The following ZNF267 variants were observed in gnomAD, a reference collection of about 807,000 sequenced individuals.
ZNF267 encodes zinc finger protein 267.
In ZNF267, 61 loss-of-function variants were observed where a neutral mutation model predicts 71.6. The ratio of observed to expected loss-of-function variants is 0.85; its 90% CI spans 0.69 to 1.05. The LOEUF is 1.05. Ranked by LOEUF, ZNF267 falls within the 50% of genes least tolerant of loss-of-function variation. ZNF267 has a pLI of 0.00. For synonymous variants in ZNF267, 288 were observed against 293.2 expected (o/e 0.98, Z 0.18); for missense variants, 852 against 870.0 (o/e 0.98, Z 0.26).
In ZNF267 at chr16:31,916,601, T is replaced by G; in HGVS notation, c.*120T>G. On this transcript the variant is annotated 3_prime_UTR_variant, in exon 4 of 4. Coordinates refer to ENST00000300870, the MANE Select transcript of ZNF267 (RefSeq NM_003414.6). ...AATGTGGCATAACCTTTAACTATTTTCAAGCCTTACACAATAGCAGAGAAT... is the reference window on the plus strand; with the variant it reads ...AATGTGGCATAACCTTTAACTATTTGCAAGCCTTACACAATAGCAGAGAAT... 9.9e-7 allele frequency: 1 copy of G among 1,014,506 alleles called. No homozygotes were observed. The allele number at this position is 1,014,506 out of a possible 1,614,324, so 62.8% of individuals were successfully genotyped here.
At chr16:31,895,045 T>G (rs1259075568) in intron 3 of ZNF267, 2 of 259,800 alleles carry the variant, frequency 7.7e-6, no homozygotes, top group Non-Finnish European at 1.5e-5. Context: ...GGCTCCCACT[T>G]CCTCCCAGGG....
At chr16:31,902,300 C>T (rs1267875762) in intron 3 of ZNF267, among the ~76,000 whole-genome samples, 1 of 151,920 alleles carries the variant, frequency 6.6e-6, no homozygotes, top group African/African-American at 2.4e-5. Flanking sequence ...TCCATATGAT[C>T]TTTAAAGTAG....
At chr16:31,902,369 G>A (rs1005751415) in intron 3 of ZNF267, among the ~76,000 whole-genome samples, 3 of 151,864 alleles carry the variant, frequency 2.0e-5, no homozygotes, top group East Asian at 1.9e-4. Flanking sequence ...CATTGAATCT[G>A]TAAATTACCT....
intron 3 of ZNF267, chr16:31,913,982 C>G (rs1308706745): frequency 6.5e-6 from 1 of 153,062 alleles, no homozygotes; most frequent in East Asian, 1.9e-4. Flanking sequence ...CAGAAGGTGT[C>G]TTTCACTATA....
At chr16:31,892,999 G>T (rs928723354) in intron 3 of ZNF267, among the ~76,000 whole-genome samples, 2 of 152,332 alleles carry the variant, frequency 1.3e-5, no homozygotes, top group East Asian at 1.9e-4. Context: ...CTGTGTGGGG[G>T]CTCCAATTCC....
At position 31,914,495 on chromosome 16, in the gene ZNF267, CAAG is replaced by C; in HGVS notation, c.247_249del (p.Lys83del). 6.3e-7 allele frequency: 1 copy of C among 1,588,480 alleles called. No homozygotes were observed. The highest frequency in any genetic ancestry group is 8.5e-7 in the Non-Finnish European group (1 of 1,170,330). ...TTTCAGATGTGTTTTCGCATTATAA[CAAG>C]GACCTGTTGACAGAGCACTGCACAG... On this transcript the variant is annotated inframe_deletion, in exon 4 of 4. Transcript: ENST00000300870.
intron 3 of ZNF267, among the ~76,000 whole-genome samples, chr16:31,899,997 TACAC>T (rs530697331): frequency 1.1e-4 from 16 of 150,892 alleles, no homozygotes; most frequent in South Asian, 2.1e-4. Flanking sequence ...CATATATATA[TACAC>T]ACACACACAC....
chr16:31,900,752 T>A (rs2084033593), intron 3 of ZNF267, among the ~76,000 whole-genome samples: 1 of 124,216 alleles, frequency 8.1e-6, no homozygotes, highest in African/African-American at 2.7e-5. Flanking sequence ...CCCCAAGAAT[T>A]CTTTCTTTTT....
rs758311819 is a variant in ZNF267, at chr16:31,915,241, TA to T, written c.995del (p.Asn332ThrfsTer433). The T allele has an allele frequency of 1.2e-6, 2 of 1,613,866 alleles. No homozygotes were observed. The highest frequency in any genetic ancestry group is 1.7e-6 in the Non-Finnish European group (2 of 1,179,958). Reference protein sequence around the residue: ...PYKCEKCGDSLNHSLHLTQHQ... With the variant: ...PYKCEKCGDSXNHSLHLTQHQ... ...AAATGTGAAAAATGTGGGGATAGCT[TA>T]AACCATAGTTTGCACCTTACTCAAC... On this transcript the variant is annotated frameshift_variant, in exon 4 of 4. Transcript: ENST00000300870. LOFTEE classifies it high-confidence loss of function.
At chr16:31,904,307 T>C (rs2084068912) in intron 3 of ZNF267, among the ~76,000 whole-genome samples, 1 of 152,238 alleles carries the variant, frequency 6.6e-6, no homozygotes, top group South Asian at 2.1e-4. Flanking sequence ...TTAGGTCCGC[T>C]TGGTGCAGAG....
At chr16:31,878,468 ACC>A (rs1412013103) in intron 1 of ZNF267, among the ~76,000 whole-genome samples, 1 of 152,056 alleles carries the variant, frequency 6.6e-6, no homozygotes, top group Non-Finnish European at 1.5e-5. Context: ...CACCCACAGC[ACC>A]TTTGCTTCCG....
chr16:31,910,803 T>C (rs1055778080), intron 3 of ZNF267, among the ~76,000 whole-genome samples: 1 of 151,636 alleles, frequency 6.6e-6, no homozygotes, highest in Non-Finnish European at 1.5e-5. Flanking sequence ...TTAGGTTATA[T>C]GATTTTTTTC....
At chr16:31,913,165 G>A (rs2084147852) in intron 3 of ZNF267, 1 of 152,108 alleles carries the variant, frequency 6.6e-6, no homozygotes, top group Non-Finnish European at 1.5e-5. Context: ...AGAATTTGAA[G>A]GTACTTGGAT....
intron 1 of ZNF267, among the ~76,000 whole-genome samples, chr16:31,881,761 G>A (rs1016279619): frequency 5.5e-5 from 8 of 146,260 alleles, no homozygotes; most frequent in Admixed American, 4.9e-4. Context: ...CTGCCTTCCC[G>A]GTTCAGATGA....
chr16:31,890,932 A>C (rs749639171), intron 3 of ZNF267, among the ~76,000 whole-genome samples: 1 of 152,230 alleles, frequency 6.6e-6, no homozygotes, highest in African/African-American at 2.4e-5. Flanking sequence ...TGTTTATTGG[A>C]TAATTTAATC....
At chr16:31,910,109 C>T (rs958556435) in intron 3 of ZNF267, among the ~76,000 whole-genome samples, 6 of 152,142 alleles carry the variant, frequency 3.9e-5, no homozygotes, top group African/African-American at 1.4e-4. Context: ...GGATAAATCC[C>T]ACTTTGTCAT....
intron 3 of ZNF267, among the ~76,000 whole-genome samples, chr16:31,902,512 C>G (rs2084050321): frequency 6.6e-6 from 1 of 152,044 alleles, no homozygotes; most frequent in African/African-American, 2.4e-5. Flanking sequence ...CTTCACATCC[C>G]TTGTAAGTTG....
chr16:31,876,993 T>C (rs543298114), intron 1 of ZNF267, among the ~76,000 whole-genome samples: 1 of 152,174 alleles, frequency 6.6e-6, no homozygotes, highest in African/African-American at 2.4e-5. Flanking sequence ...GCATTTGGGG[T>C]TGGGATGGAA....
intron 3 of ZNF267, among the ~76,000 whole-genome samples, chr16:31,890,755 G>A (rs2083954694): frequency 6.6e-6 from 1 of 152,206 alleles, no homozygotes; most frequent in Non-Finnish European, 1.5e-5. Flanking sequence ...TTTTATAACA[G>A]ACTCACTTTT....
Sources: allele counts gnomAD v4.1 joint callset (sites outside exome capture counted in the v4.1 genomes callset), GRCh38; gene constraint gnomAD v4.1.1; transcripts MANE v1.5; gene names NCBI Gene and HGNC (gene_info 2026-07-23, HGNC 2026-07-21).